The following NOX4 variants were observed in gnomAD, a reference collection of about 807,000 sequenced individuals.
NOX4 encodes NADPH oxidase 4, also known as kidney oxidase-1.
In NOX4, 69 loss-of-function variants were observed where a neutral mutation model predicts 87.6. The ratio of observed to expected loss-of-function variants is 0.79; its 90% CI spans 0.65 to 0.96. The LOEUF (loss-of-function observed/expected upper bound fraction) is 0.96, where lower values mean the gene tolerates loss of function less well. NOX4 is among the 40% of genes least tolerant of loss of function. The pLI, the probability that NOX4 is intolerant of heterozygous loss-of-function variation, is 0.00. For missense variants in NOX4, 680 were observed against 681.5 expected, an observed-to-expected ratio of 1.00 and a Z score of 0.02; for synonymous variants, 275 against 238.2, an observed-to-expected ratio of 1.15 and a Z score of -1.42.
At chr11:89,390,379 A>T (rs539164520) in intron 11 of NOX4, among the ~76,000 whole-genome samples, 26 of 152,338 alleles carry the variant, frequency 1.7e-4, no homozygotes, top group African/African-American at 6.0e-4. Flanking sequence ...AGCCTACATG[A>T]TAAACAGATG....
chr11:89,362,173 GACACAC>G (rs148208109), intron 12 of NOX4, among the ~76,000 whole-genome samples: 3 of 146,920 alleles, frequency 2.0e-5, no homozygotes, highest in Non-Finnish European at 4.6e-5. Context: ...CACAGACACA[GACACAC>G]ACACACACAC....
intron 11 of NOX4, among the ~76,000 whole-genome samples, chr11:89,389,274 C>T (rs1425746308): frequency 1.3e-5 from 2 of 152,054 alleles, no homozygotes; most frequent in Non-Finnish European, 2.9e-5. Context: ...TTTAAATAAT[C>T]AAAACTCCAA....
intron 2 of NOX4, among the ~76,000 whole-genome samples, chr11:89,463,768 T>C (rs1945566411): frequency 6.6e-6 from 1 of 151,780 alleles, no homozygotes; most frequent in African/African-American, 2.4e-5. Flanking sequence ...TTAATGGATA[T>C]ACCAGTAAGT....
At chr11:89,554,604 G>T in the NOX4 span, among the ~76,000 whole-genome samples, 1 of 152,034 alleles carries the variant, frequency 6.6e-6, no homozygotes, top group African/African-American at 2.4e-5. Context: ...TTGGAAGGAG[G>T]CATGCAAGAG....
chr11:89,440,618 C>G (rs1360802916), intron 6 of NOX4, 70 bp downstream of exon 6: 3 of 1,095,004 alleles, frequency 2.7e-6, no homozygotes, highest in Non-Finnish European at 4.0e-6. Context: ...AGCCACTGCG[C>G]CCAGTCCGAT....
chr11:89,474,646 T>C (rs543586243), intron 2 of NOX4, among the ~76,000 whole-genome samples: 1 of 152,120 alleles, frequency 6.6e-6, no homozygotes, highest in South Asian at 2.1e-4. Flanking sequence ...CATGTATATA[T>C]GTGTATCTAC....
the NOX4 span, among the ~76,000 whole-genome samples, chr11:89,584,750 T>C: frequency 6.6e-6 from 1 of 152,170 alleles, no homozygotes; most frequent in Admixed American, 6.5e-5. Context: ...TAGAATTCTC[T>C]ACCTGAAAAA....
the NOX4 span, among the ~76,000 whole-genome samples, chr11:89,507,154 G>T: frequency 6.6e-6 from 1 of 151,826 alleles, no homozygotes; most frequent in African/African-American, 2.4e-5. Flanking sequence ...GGTGGGCTGG[G>T]ATAGCAACGG....
chr11:89,537,756 T>G, the NOX4 span, among the ~76,000 whole-genome samples: 1 of 152,198 alleles, frequency 6.6e-6, no homozygotes, highest in Non-Finnish European at 1.5e-5. Flanking sequence ...GAGTTGACTT[T>G]GTACAACACT....
intron 2 of NOX4, among the ~76,000 whole-genome samples, chr11:89,460,401 C>A (rs554300989): frequency 1.4e-4 from 21 of 152,128 alleles, no homozygotes; most frequent in Non-Finnish European, 2.9e-4. Context: ...AAAATTTTTG[C>A]ATTCTACCTA....
At chr11:89,532,186 T>A in the NOX4 span, among the ~76,000 whole-genome samples, 1 of 152,144 alleles carries the variant, frequency 6.6e-6, no homozygotes, top group African/African-American at 2.4e-5. Context: ...GCCACTGTCC[T>A]CCATACACCA....
At chr11:89,534,266 A>G in the NOX4 span, among the ~76,000 whole-genome samples, 46 of 152,230 alleles carry the variant, frequency 3.0e-4, no homozygotes, top group Non-Finnish European at 5.9e-4. Context: ...TCACACCTGA[A>G]GTTTATGAGC....
chr11:89,509,393 G>C, the NOX4 span, among the ~76,000 whole-genome samples: 1 of 151,960 alleles, frequency 6.6e-6, no homozygotes, highest in Non-Finnish European at 1.5e-5. Flanking sequence ...AGCTCTAATT[G>C]CCATTTATAA....
At chr11:89,433,253 C>A (rs1444955480) in intron 6 of NOX4, among the ~76,000 whole-genome samples, 1 of 151,996 alleles carries the variant, frequency 6.6e-6, no homozygotes, top group Admixed American at 6.6e-5. Context: ...TACAGTGGTA[C>A]AGAACACCAG....
chr11:89,563,884 CA>C, the NOX4 span, among the ~76,000 whole-genome samples: 1 of 152,186 alleles, frequency 6.6e-6, no homozygotes. Context: ...CAGAAAATGA[CA>C]CTTGCAAATT....
At chr11:89,545,966 A>G in the NOX4 span, among the ~76,000 whole-genome samples, 2 of 152,134 alleles carry the variant, frequency 1.3e-5, no homozygotes, top group Admixed American at 1.3e-4. Flanking sequence ...CTGTACGCCT[A>G]TTACTTCATT....
chr11:89,374,439 A>G (rs1939681688), intron 11 of NOX4, among the ~76,000 whole-genome samples: 1 of 152,202 alleles, frequency 6.6e-6, no homozygotes, highest in Admixed American at 6.5e-5. Context: ...ACTAAGGGCT[A>G]TGGGTAAGGG....
chr11:89,496,015 G>A (rs965383590), upstream of NOX4, among the ~76,000 whole-genome samples: 4 of 152,114 alleles, frequency 2.6e-5, no homozygotes, highest in Middle Eastern at 3.2e-3. Context: ...TAACCGAAAG[G>A]GACATTAAAG....
chr11:89,364,857 G>C (rs1938824116), intron 12 of NOX4, among the ~76,000 whole-genome samples: 1 of 151,986 alleles, frequency 6.6e-6, no homozygotes, highest in African/African-American at 2.4e-5. Context: ...CCTCAATTTG[G>C]TATGCTGTAG....
Sources: gnomAD v4.1 joint callset for allele counts (sites outside exome capture counted in the v4.1 genomes callset) on GRCh38, gnomAD v4.1.1 for gene constraint, MANE v1.5 for transcripts, NCBI Gene and HGNC (gene_info 2026-07-23, HGNC 2026-07-21) for gene names.